GABRA6: variants seen among roughly 807,000 people sequenced by gnomAD.
The protein encoded by GABRA6 is gamma-aminobutyric acid type A receptor subunit alpha6, also known as gamma-aminobutyric acid receptor subunit alpha-6.
GABRA6 carries 45 observed loss-of-function variants against 47.3 expected under a neutral mutation model. The ratio of observed to expected loss-of-function variants is 0.95; its 90% CI spans 0.75 to 1.22. The LOEUF is 1.22. GABRA6 is among the 50% of genes most tolerant of loss of function. The pLI is 0.00. For missense variants in GABRA6, 583 were observed against 549.3 expected, an observed-to-expected ratio of 1.06 and a Z score of -0.61; for synonymous variants, 219 against 194.7, an observed-to-expected ratio of 1.12 and a Z score of -1.04.
chr5:161,691,711 C>G (rs188688957), intron 7 of GABRA6, among the ~76,000 whole-genome samples: 1 of 152,084 alleles, frequency 6.6e-6, no homozygotes. Flanking sequence ...ATTCAGCAAA[C>G]TCAAAATTTT....
chr5:161,689,779 G>A lies in GABRA6; in HGVS notation c.673G>A (p.Gly225Ser), dbSNP rs780406601. The A allele has an allele frequency of 2.5e-6, 4 of 1,612,328 alleles. No individual in the cohort carries two copies. The highest frequency in any genetic ancestry group is 2.2e-5 in the South Asian group (2 of 91,034). The change falls in exon 6 of 9, where the codon GGT becomes AGT. Residue 225 changes from glycine (G) to serine (S), a missense_variant and splice_region_variant. By Grantham distance (56) the Gly-to-Ser change is moderately conservative. Transcript: ENST00000274545. ...TAGTGAGACAATTAAATCTAACACA[G>A]GTAAGAATTTGACCAAAGGATGGAA... ...VSSETIKSNT[G>S]EYVIMTVYFH...
In GABRA6 at chr5:161,689,016, C is replaced by G. The variant is rs998534947; in HGVS notation, c.293C>G (p.Thr98Ser). 6.2e-7 allele frequency: 1 copy of G among 1,614,022 alleles called. No homozygotes were observed. Among genetic ancestry groups the G allele is most frequent in the South Asian group, 1.1e-5 (1 of 91,072 alleles). The change falls in exon 4 of 9, where the codon ACT (threonine) becomes AGT (serine). Residue 98 changes from threonine (T) to serine (S), a missense_variant. Coordinates refer to ENST00000274545, the MANE Select transcript of GABRA6 (RefSeq NM_000811.3). ...TDERLKFGGP[T>S]EILSLNNLMV... is the part of the protein sequence containing the mutation. ...GAGAGGTTGAAGTTTGGGGGGCCAA[C>G]TGAGATTCTGAGTCTGAATAATTTG...
chr5:161,689,028 G>A lies in GABRA6; in HGVS notation c.305G>A (p.Ser102Asn). The A allele has an allele frequency of 6.2e-7, 1 of 1,614,026 alleles. No homozygotes were observed. Among genetic ancestry groups the A allele is most frequent in the Non-Finnish European group, 8.5e-7 (1 of 1,179,956 alleles). The change falls in exon 4 of 9, where the codon AGT becomes AAT. Residue 102 changes from serine (S) to asparagine (N), a missense_variant. Ser to Asn is a conservative substitution (Grantham distance 46). Transcript: ENST00000274545. ...LKFGGPTEIL[S>N]LNNLMVSKIW... ...TTTGGGGGGCCAACTGAGATTCTGA[G>A]TCTGAATAATTTGATGGTCAGTAAA... is the stretch of plus-strand genomic sequence containing the variant.
rs1754709622 is a variant in GABRA6, at chr5:161,686,826, A to T, written c.158-110A>T. On this transcript the variant is annotated intron_variant, in intron 2 of 8. Coordinates refer to ENST00000274545, the MANE Select transcript of GABRA6 (RefSeq NM_000811.3). ...CCCCACTACTGGAATGCAATAGGAC[A>T]CATTGCAGATACTGGCTATGATAAG... The T allele has an allele frequency of 5.6e-6, 5 of 887,094 alleles. No individual in the cohort carries two copies. In the Admixed American group the frequency reaches 7.4e-5, roughly 13 times the overall value. 55.0% of individuals were successfully genotyped at this position (887,094 alleles called of 1,614,324 possible). A position where few individuals can be genotyped will look rare whatever the true frequency, so the allele number is the denominator to read the frequency against.
At chr5:161,694,424 A>T (rs1018804474) in intron 8 of GABRA6, among the ~76,000 whole-genome samples, 1 of 151,998 alleles carries the variant, frequency 6.6e-6, no homozygotes, top group Admixed American at 6.6e-5. Flanking sequence ...TTTTTGAAAT[A>T]TGCAGTACTG....
Position 161,691,042 on chromosome 5 carries a change from A to G in GABRA6, c.826+689A>G, listed in dbSNP as rs185659552. On this transcript the variant is annotated intron_variant, in intron 7 of 8. Coordinates refer to ENST00000274545, the MANE Select transcript of GABRA6 (RefSeq NM_000811.3). ...TGCCAACATAATGATGTTGACCATCAATATTATACATCTCCTAATAGTATA... is the reference window on the plus strand; with the variant it reads ...TGCCAACATAATGATGTTGACCATCGATATTATACATCTCCTAATAGTATA... Among the ~76,000 whole-genome samples, 3 of 152,130 alleles carry G rather than the reference A, an allele frequency of 2.0e-5. No homozygotes were observed. The East Asian group carries it at 5.8e-4, about 29-fold the overall frequency.
intron 3 of GABRA6, among the ~76,000 whole-genome samples, chr5:161,688,298 A>G (rs1754732690): frequency 1.3e-5 from 2 of 152,202 alleles, no homozygotes; most frequent in Admixed American, 1.3e-4. Flanking sequence ...TGACTTTTGC[A>G]ATAGCTCTTA....
At chr5:161,689,810 C>A in intron 6 of GABRA6, 31 bp downstream of exon 6, 2 of 1,594,916 alleles carry the variant, frequency 1.3e-6, no homozygotes, top group South Asian at 1.1e-5. Context: ...TGGAAATAAT[C>A]CCTCAGGATG....
chr5:161,696,351 A>AT (rs5872722), intron 8 of GABRA6, among the ~76,000 whole-genome samples: 256 of 140,348 alleles, frequency 1.8e-3, no homozygotes, highest in South Asian at 3.9e-3. Context: ...TATTGCACAG[A>AT]TTTTTTTTTT....
chr5:161,686,187 TCTC>T (rs1240917556), intron 1 of GABRA6, 40 bp from the exon 2 acceptor site: 1 of 1,495,506 alleles, frequency 6.7e-7, no homozygotes, highest in Middle Eastern at 1.7e-4. Context: ...CAAAACCTCT[TCTC>T]TGAGCCTGGG....
intron 8 of GABRA6, among the ~76,000 whole-genome samples, chr5:161,699,148 T>TC (rs544135949): frequency 1.1e-3 from 175 of 152,316 alleles, no homozygotes; most frequent in Middle Eastern, 6.8e-3. Flanking sequence ...AGGCATGTCT[T>TC]CCCTCTTTCT....
chr5:161,701,639 G>T lies in GABRA6; in HGVS notation c.1228G>T (p.Ala410Ser). The change falls in exon 9 of 9, where the codon GCC (alanine) becomes TCC (serine). Residue 410 changes from alanine (A) to serine (S), a missense_variant. Coordinates refer to ENST00000274545, the MANE Select transcript of GABRA6 (RefSeq NM_000811.3). ...TGTCACACCCCCACCACTCTCGCCA[G>T]CCTTTGGAGGCACCAGTAAAATAGA... ...TPVTPPPLSP[A>S]FGGTSKIDQY... is the part of the protein sequence containing the mutation. 1 of 1,614,130 alleles carries T rather than the reference G, an allele frequency of 6.2e-7. No homozygotes were observed. The highest frequency in any genetic ancestry group is 1.1e-5 in the South Asian group (1 of 91,082).
chr5:161,693,093 T>G (rs1396996090), intron 8 of GABRA6, among the ~76,000 whole-genome samples: 1 of 151,930 alleles, frequency 6.6e-6, no homozygotes, highest in Admixed American at 6.6e-5. Context: ...TGAACTGAAA[T>G]TTTTTTTACA....
intron 4 of GABRA6, 22 bp from the exon 5 acceptor site, chr5:161,689,232 C>A (rs773941643): frequency 1.2e-6 from 2 of 1,603,372 alleles, no homozygotes; most frequent in Non-Finnish European, 1.7e-6. Context: ...TAACTCAGAA[C>A]CGTTGATTTC....
In GABRA6 at chr5:161,702,464, T is replaced by G. The variant is rs1290603333; in HGVS notation, c.*691T>G. On this transcript the variant is annotated 3_prime_UTR_variant, in exon 9 of 9. Transcript: ENST00000274545. ...AATTCTCCTTTTAAAATAATACACT[T>G]ACCATAATTCTATGAGGTTGTAGAA... The G allele has an allele frequency of 1.3e-5, 2 of 152,254 alleles. No individual in the cohort carries two copies. Among genetic ancestry groups the G allele is most frequent in the Non-Finnish European group, 2.9e-5 (2 of 68,064 alleles). The allele number at this position is 152,254 out of a possible 1,614,324, so 9.4% of individuals were successfully genotyped here.
At chr5:161,695,524 C>T (rs780063143) in intron 8 of GABRA6, among the ~76,000 whole-genome samples, 5 of 151,864 alleles carry the variant, frequency 3.3e-5, no homozygotes, top group African/African-American at 2.4e-5. Context: ...TATACCTGTA[C>T]CTATACTGTG....
At chr5:161,691,812 CA>C (rs1754797126) in intron 7 of GABRA6, 128 bp from the exon 8 acceptor site, 4 of 778,326 alleles carry the variant, frequency 5.1e-6, no homozygotes, top group Admixed American at 4.2e-5. Context: ...AATTATAATA[CA>C]AAAAATATTT....
chr5:161,686,797 G>C, intron 2 of GABRA6, 139 bp from the exon 3 acceptor site: 2 of 747,278 alleles, frequency 2.7e-6, no homozygotes, highest in Non-Finnish European at 4.8e-6. Context: ...AGAGACCCAA[G>C]GATCCCCACT....
At chr5:161,688,809 AATT>A in intron 3 of GABRA6, 137 bp from the exon 4 acceptor site, 1 of 736,806 alleles carries the variant, frequency 1.4e-6, no homozygotes, top group Non-Finnish European at 2.3e-6. Context: ...AACTAGCTAA[AATT>A]ATAGCTTTGT....
Sources: allele counts gnomAD v4.1 joint callset (sites outside exome capture counted in the v4.1 genomes callset), GRCh38; gene constraint gnomAD v4.1.1; transcripts MANE v1.5; gene names NCBI Gene and HGNC (gene_info 2026-07-23, HGNC 2026-07-21).